Variants in PAPPA2 observed in about 807,000 individuals in gnomAD.
PAPPA2 encodes pappalysin-2.
Under a neutral mutation model 176.4 loss-of-function variants are expected in PAPPA2, and 86 were observed. That is an observed-to-expected ratio of 0.49 (90% CI 0.41 to 0.58). The LOEUF (loss-of-function observed/expected upper bound fraction) is 0.58, where lower values mean the gene tolerates loss of function less well. Among genes scored for constraint, PAPPA2 ranks in the 20% least tolerant of loss-of-function variants. The pLI is 0.00. For synonymous variants in PAPPA2, 809 were observed against 852.2 expected (o/e 0.95, Z 0.88); for missense variants, 2,073 against 2,256.9 (o/e 0.92, Z 1.65).
chr1:176,606,728 G>A (rs1161651771), intron 3 of PAPPA2, among the ~76,000 whole-genome samples: 1 of 152,200 alleles, frequency 6.6e-6, no homozygotes, highest in Non-Finnish European at 1.5e-5. Context: ...CTCCCAAAGT[G>A]CTGGGATTAC....
At chr1:176,793,871 G>A (rs1010841758) in intron 20 of PAPPA2, among the ~76,000 whole-genome samples, 1 of 152,066 alleles carries the variant, frequency 6.6e-6, no homozygotes, top group Non-Finnish European at 1.5e-5. Flanking sequence ...CGAGGTGGGC[G>A]GATCACAAGG....
At chr1:176,687,326 A>C (rs935418089) in intron 4 of PAPPA2, among the ~76,000 whole-genome samples, 10 of 152,174 alleles carry the variant, frequency 6.6e-5, no homozygotes, top group Non-Finnish European at 2.9e-5. Context: ...TGTCCTGGGT[A>C]TGGAGGGGAT....
chr1:176,841,380 A>G (rs1343807172), intron 22 of PAPPA2, among the ~76,000 whole-genome samples: 1 of 152,080 alleles, frequency 6.6e-6, no homozygotes, highest in African/African-American at 2.4e-5. Context: ...TTGACTCCTA[A>G]ATCACATTTT....
At chr1:176,817,983 T>A (rs1571372006) in intron 21 of PAPPA2, among the ~76,000 whole-genome samples, 1 of 151,870 alleles carries the variant, frequency 6.6e-6, no homozygotes, top group African/African-American at 2.4e-5. Flanking sequence ...AGGCAGGAAG[T>A]TAGCAGAGGA....
chr1:176,825,348 C>T (rs937717496), intron 21 of PAPPA2, among the ~76,000 whole-genome samples: 2 of 152,170 alleles, frequency 1.3e-5, no homozygotes, highest in South Asian at 2.1e-4. Flanking sequence ...CTCATTTATC[C>T]CCCGAGTAGT....
At chr1:176,608,124 A>G (rs929086199) in intron 3 of PAPPA2, among the ~76,000 whole-genome samples, 11 of 152,214 alleles carry the variant, frequency 7.2e-5, no homozygotes, top group African/African-American at 2.4e-4. Flanking sequence ...TGTATACAAG[A>G]TTACTCTGTA....
chr1:176,615,847 T>C (rs1429891107), intron 3 of PAPPA2, among the ~76,000 whole-genome samples: 2 of 152,182 alleles, frequency 1.3e-5, no homozygotes, highest in Non-Finnish European at 1.5e-5. Flanking sequence ...TCTAGAGTGT[T>C]CATAGTTCCT....
rs79420526 is a variant in PAPPA2, at chr1:176,836,223, T to C, written c.5203-3950T>C. On this transcript the variant is annotated intron_variant, in intron 21 of 22. Transcript: ENST00000367662. ...AAGAAATTGAAGTGGCTCTGATTTGTCATTCACATAACGAGAAGTTTTTTT... is the reference window on the plus strand; with the variant it reads ...AAGAAATTGAAGTGGCTCTGATTTGCCATTCACATAACGAGAAGTTTTTTT... Among the ~76,000 whole-genome samples, 409 of 152,322 alleles carry C rather than the reference T, an allele frequency of 2.7e-3. 1 individual carries two copies. Among genetic ancestry groups the C allele is most frequent in the African/African-American group, 9.6e-3 (400 of 41,580 alleles).
chr1:176,667,261 A>C (rs1558506856), intron 3 of PAPPA2, among the ~76,000 whole-genome samples: 1 of 152,136 alleles, frequency 6.6e-6, no homozygotes, highest in African/African-American at 2.4e-5. Context: ...AAAAAAAGAA[A>C]AAAAAAGAAT....
chr1:176,720,557 T>C (rs1393975348), intron 12 of PAPPA2, among the ~76,000 whole-genome samples: 1 of 152,120 alleles, frequency 6.6e-6, no homozygotes, highest in East Asian at 1.9e-4. Context: ...TTTAAATATG[T>C]AGTTTGATTA....
At chr1:176,719,485 T>G (rs181678898) in intron 12 of PAPPA2, among the ~76,000 whole-genome samples, 1 of 152,332 alleles carries the variant, frequency 6.6e-6, no homozygotes, top group African/African-American at 2.4e-5. Flanking sequence ...GAAGTTTGAA[T>G]CCACTTCCAG....
chr1:176,765,749 T>C lies in PAPPA2; in HGVS notation c.4235T>C (p.Ile1412Thr). ...DHADVVNCTS[I>T]GPGLMKCAIT... Reference sequence around the variant, plus strand: ...GCTGATGTGGTGAACTGTACCTCTATAGGCCCAGGTCTCATGAAGTGTGCT... The same window carrying C: ...GCTGATGTGGTGAACTGTACCTCTACAGGCCCAGGTCTCATGAAGTGTGCT... Residue 1412 changes from isoleucine (I) to threonine (T), a missense_variant, in exon 15 of 23, where the codon ATA (isoleucine) becomes ACA (threonine). Transcript: ENST00000367662. 6.2e-7 allele frequency: 1 copy of C among 1,614,140 alleles called. No individual in the cohort carries two copies. The highest frequency in any genetic ancestry group is 8.5e-7 in the Non-Finnish European group (1 of 1,180,032).
intron 2 of PAPPA2, among the ~76,000 whole-genome samples, chr1:176,564,967 C>A (rs1201210992): frequency 1.3e-5 from 2 of 152,074 alleles, no homozygotes; most frequent in Non-Finnish European, 2.9e-5. Context: ...ATAGCCATAG[C>A]CATCAGCAAC....
chr1:176,765,539 A>T, intron 14 of PAPPA2, 127 bp from the exon 15 acceptor site: 1 of 855,992 alleles, frequency 1.2e-6, no homozygotes, highest in African/African-American at 1.7e-5. Flanking sequence ...GTGATGAGTT[A>T]AATATCAGTT....
intron 17 of PAPPA2, 26 bp downstream of exon 17, chr1:176,771,206 G>C: frequency 3.1e-6 from 5 of 1,600,466 alleles, no homozygotes; most frequent in Non-Finnish European, 4.3e-6. Context: ...CTGGTCTTTG[G>C]AGTTCTACCT....
At chr1:176,708,558 G>GAGAGAA (rs1553395217) in intron 10 of PAPPA2, among the ~76,000 whole-genome samples, 2 of 150,876 alleles carry the variant, frequency 1.3e-5, no homozygotes, top group Non-Finnish European at 3.0e-5. Context: ...GAGAGAGAGA[G>GAGAGAA]AATCATCATG....
chr1:176,812,547 C>T (rs1169330398), intron 21 of PAPPA2, among the ~76,000 whole-genome samples: 1 of 152,128 alleles, frequency 6.6e-6, no homozygotes, highest in East Asian at 1.9e-4. Flanking sequence ...TTCGTGAATC[C>T]TATAAGGCAT....
intron 3 of PAPPA2, among the ~76,000 whole-genome samples, chr1:176,626,410 A>G (rs949268428): frequency 5.9e-5 from 9 of 152,026 alleles, no homozygotes; most frequent in Admixed American, 3.3e-4. Context: ...TTATTTTGAG[A>G]TTTTTTTAAA....
intron 12 of PAPPA2, among the ~76,000 whole-genome samples, chr1:176,722,420 T>TTC (rs1661667778): frequency 5.0e-5 from 1 of 20,138 alleles, no homozygotes; most frequent in Admixed American, 4.4e-4. Context: ...ATACATTTCC[T>TTC]TTTTTTTTTT....
Sources: gnomAD v4.1 joint callset for allele counts (sites outside exome capture counted in the v4.1 genomes callset) on GRCh38, gnomAD v4.1.1 for gene constraint, MANE v1.5 for transcripts, NCBI Gene and HGNC (gene_info 2026-07-23, HGNC 2026-07-21) for gene names.